CDH20: variants seen among roughly 807,000 people sequenced by gnomAD.
CDH20 encodes cadherin-20.
Under a neutral mutation model 74.2 loss-of-function variants are expected in CDH20, and 29 were observed. The observed-to-expected ratio is 0.39, with a 90% CI of 0.29 to 0.53. CDH20 has a LOEUF of 0.53. Among genes scored for constraint, CDH20 ranks in the 20% least tolerant of loss-of-function variants. The pLI, the probability that CDH20 is intolerant of heterozygous loss-of-function variation, is 0.69. For missense variants in CDH20, 988 were observed against 1,048.3 expected (o/e 0.94, Z 0.79); for synonymous variants, 469 against 405.4 (o/e 1.16, Z -1.88).
intron 6 of CDH20, among the ~76,000 whole-genome samples, chr18:61,513,543 C>T (rs1162879518): frequency 8.2e-4 from 121 of 147,816 alleles, no homozygotes; most frequent in African/African-American, 2.7e-3. Context: ...CCTGCCATTA[C>T]GATGTTAGCT....
chr18:61,356,944 C>T (rs931393175), intron 1 of CDH20, among the ~76,000 whole-genome samples: 2 of 152,184 alleles, frequency 1.3e-5, no homozygotes, highest in African/African-American at 4.8e-5. Context: ...TAAAGAGTGT[C>T]TCCTAATTCC....
intron 11 of CDH20, 97 bp downstream of exon 11, chr18:61,550,326 T>C: frequency 7.1e-7 from 1 of 1,416,402 alleles, no homozygotes; most frequent in Non-Finnish European, 9.6e-7. Context: ...AGAACTGGTC[T>C]TCCACACCTT....
intron 9 of CDH20, 112 bp downstream of exon 9, chr18:61,539,257 A>G (rs2144393540): frequency 1.9e-6 from 2 of 1,042,420 alleles, no homozygotes; most frequent in East Asian, 4.8e-5. Flanking sequence ...CGAACAGTTC[A>G]CAAAACAGAG....
intron 6 of CDH20, among the ~76,000 whole-genome samples, chr18:61,514,394 C>T (rs997426190): frequency 3.3e-5 from 5 of 152,154 alleles, no homozygotes; most frequent in African/African-American, 4.8e-5. Flanking sequence ...TCTAGTTATA[C>T]ATTCTTCTAA....
intron 1 of CDH20, among the ~76,000 whole-genome samples, chr18:61,458,301 G>A (rs913899837): frequency 2.6e-5 from 4 of 152,130 alleles, no homozygotes; most frequent in African/African-American, 9.7e-5. Flanking sequence ...TAAAAATCCT[G>A]TTCTAAAAAG....
chr18:61,363,309 T>C (rs751867185), intron 1 of CDH20, among the ~76,000 whole-genome samples: 2 of 152,148 alleles, frequency 1.3e-5, no homozygotes, highest in Non-Finnish European at 2.9e-5. Context: ...TCGGTGCAGA[T>C]CTCTTTATTG....
chr18:61,334,670 A>G (rs1909694723), intron 1 of CDH20, among the ~76,000 whole-genome samples: 1 of 152,080 alleles, frequency 6.6e-6, no homozygotes, highest in African/African-American at 2.4e-5. Flanking sequence ...CCTCTGGGGC[A>G]GCAGTGGGGG....
At chr18:61,493,295 G>A (rs1911023854) in intron 2 of CDH20, among the ~76,000 whole-genome samples, 1 of 152,064 alleles carries the variant, frequency 6.6e-6, no homozygotes, top group African/African-American at 2.4e-5. Context: ...TGCTCTTCCT[G>A]ATTAGATTAA....
intron 3 of CDH20, 147 bp downstream of exon 3, chr18:61,499,627 AACCAAAAATGACG>A (rs1911292340): frequency 7.4e-6 from 5 of 674,482 alleles, no homozygotes; most frequent in Non-Finnish European, 1.2e-5. Context: ...ATTATAAAGC[AACCAAAAATGACG>A]ACCAAGCCCT....
intron 6 of CDH20, among the ~76,000 whole-genome samples, 173 bp downstream of exon 6, chr18:61,507,733 A>G (rs745622391): frequency 1.4e-4 from 21 of 151,982 alleles, no homozygotes; most frequent in Non-Finnish European, 2.5e-4. Context: ...TTATGTTTAC[A>G]TGAAAACACT....
intron 1 of CDH20, among the ~76,000 whole-genome samples, chr18:61,448,069 G>A (rs545435189): frequency 6.6e-6 from 1 of 152,212 alleles, no homozygotes; most frequent in Non-Finnish European, 1.5e-5. Context: ...TTTTCTCATC[G>A]GTAAAATGAA....
intron 1 of CDH20, among the ~76,000 whole-genome samples, chr18:61,381,970 C>A (rs1305641894): frequency 6.6e-6 from 1 of 152,128 alleles, no homozygotes; most frequent in Non-Finnish European, 1.5e-5. Flanking sequence ...CACTACTACC[C>A]CCCCCAGTAT....
chr18:61,497,486 CA>C (rs1467664710), intron 2 of CDH20, among the ~76,000 whole-genome samples: 3 of 152,180 alleles, frequency 2.0e-5, no homozygotes, highest in Non-Finnish European at 2.9e-5. Flanking sequence ...CTGTGCATAA[CA>C]AAAAAGCCAA....
At chr18:61,500,100 C>A (rs1911314471) in intron 3 of CDH20, among the ~76,000 whole-genome samples, 1 of 68,798 alleles carries the variant, frequency 1.5e-5, no homozygotes. Context: ...GAGACTCCAT[C>A]TTAAAAAAAA....
chr18:61,542,714 T>G (rs1021890678), intron 9 of CDH20, among the ~76,000 whole-genome samples: 1 of 152,122 alleles, frequency 6.6e-6, no homozygotes, highest in Non-Finnish European at 1.5e-5. Context: ...CTACAGGCTG[T>G]ACAAGAAGCA....
At chr18:61,336,126 G>T (rs1800806375) in intron 1 of CDH20, among the ~76,000 whole-genome samples, 1 of 152,174 alleles carries the variant, frequency 6.6e-6, no homozygotes, top group African/African-American at 2.4e-5. Flanking sequence ...ACTGGAATCG[G>T]AAGGAAGACG....
intron 1 of CDH20, among the ~76,000 whole-genome samples, chr18:61,462,338 C>A (rs1214629438): frequency 1.3e-5 from 2 of 152,142 alleles, no homozygotes; most frequent in African/African-American, 4.8e-5. Context: ...AGGAAGTCAG[C>A]ATGAATCGGC....
At chr18:61,546,226 AT>A (rs1368517966) in intron 10 of CDH20, among the ~76,000 whole-genome samples, 1 of 152,226 alleles carries the variant, frequency 6.6e-6, no homozygotes, top group Non-Finnish European at 1.5e-5. Context: ...AAAAGTCATG[AT>A]TAGGTTAGGC....
At chr18:61,356,168 C>T (rs1910489428) in intron 1 of CDH20, among the ~76,000 whole-genome samples, 2 of 152,222 alleles carry the variant, frequency 1.3e-5, no homozygotes, top group African/African-American at 2.4e-5. Context: ...ACTTAAGCTT[C>T]TCATATCCAT....
Sources: allele counts gnomAD v4.1 joint callset (sites outside exome capture counted in the v4.1 genomes callset), GRCh38; gene constraint gnomAD v4.1.1; transcripts MANE v1.5; gene names NCBI Gene and HGNC (gene_info 2026-07-23, HGNC 2026-07-21).